The following PPHLN1 variants were observed in gnomAD, a reference collection of about 807,000 sequenced individuals.
The protein encoded by PPHLN1 is periphilin-1.
A neutral mutation model predicts 51.3 loss-of-function variants in PPHLN1; 29 were observed. The ratio of observed to expected loss-of-function variants is 0.57; its 90% CI spans 0.42 to 0.77. The LOEUF is 0.77. PPHLN1 is among the 30% of genes least tolerant of loss of function. The probability of loss-of-function intolerance (pLI) is 0.00; values close to 1 mark genes in which losing one functional copy is unlikely to be tolerated. For synonymous variants in PPHLN1, 147 were observed against 147.8 expected, an observed-to-expected ratio of 0.99 and a Z score of 0.04; for missense variants, 436 against 438.4, an observed-to-expected ratio of 0.99 and a Z score of 0.05.
intron 9 of PPHLN1, chr12:42,433,112 G>T: frequency 1.3e-6 from 1 of 778,256 alleles, no homozygotes; most frequent in Non-Finnish European, 2.4e-6. Context: ...GTTCAAATGT[G>T]ACTATTTCAT....
Position 42,441,483 on chromosome 12 carries a change from A to G in PPHLN1, c.1078A>G (p.Thr360Ala). Residue 360 changes from threonine to alanine, a missense_variant, in exon 10 of 10, where the codon ACT becomes GCT. Thr to Ala is a moderately conservative substitution (Grantham distance 58). Transcript: ENST00000358314. Reference sequence around the variant, plus strand: ...TTTCATTGCAGAGTATGATACTTCCACTCAAGATTTTGGAGAGCCTTTTTA... The same window carrying G: ...TTTCATTGCAGAGTATGATACTTCCGCTCAAGATTTTGGAGAGCCTTTTTA... Reference protein sequence around the residue: ...KHFIAEYDTSTQDFGEPF With the variant: ...KHFIAEYDTSAQDFGEPF 6.2e-7 allele frequency: 1 copy of G among 1,601,740 alleles called. No homozygotes were observed. Among genetic ancestry groups the G allele is most frequent in the South Asian group, 1.1e-5 (1 of 87,366 alleles).
intron 1 of PPHLN1, among the ~76,000 whole-genome samples, chr12:42,326,983 C>T (rs1035969714): frequency 2.6e-5 from 4 of 152,164 alleles, no homozygotes; most frequent in Non-Finnish European, 1.5e-5. Flanking sequence ...ACAATCCATC[C>T]AGGGCGCAGC....
At chr12:42,338,924 A>G (rs2071086233) in intron 2 of PPHLN1, among the ~76,000 whole-genome samples, 1 of 152,256 alleles carries the variant, frequency 6.6e-6, no homozygotes, top group Non-Finnish European at 1.5e-5. Flanking sequence ...GAGTTGAGGT[A>G]AAAATGACAG....
intron 5 of PPHLN1, among the ~76,000 whole-genome samples, chr12:42,378,584 G>T (rs1013038287): frequency 6.8e-6 from 1 of 146,444 alleles, no homozygotes; most frequent in African/African-American, 2.6e-5. Context: ...AAATAATTAT[G>T]CCCTCATTAA....
chr12:42,430,864 C>T (rs1055905450), intron 9 of PPHLN1, among the ~76,000 whole-genome samples: 7 of 152,044 alleles, frequency 4.6e-5, no homozygotes, highest in African/African-American at 1.4e-4. Context: ...AAACATATTG[C>T]ACATCAAACA....
chr12:42,404,982 A>G (rs1245991818), intron 9 of PPHLN1, among the ~76,000 whole-genome samples: 1 of 152,218 alleles, frequency 6.6e-6, no homozygotes, highest in Non-Finnish European at 1.5e-5. Context: ...AGCCAAGATC[A>G]TGCCATTGCA....
intron 2 of PPHLN1, among the ~76,000 whole-genome samples, chr12:42,344,936 C>T (rs961126780): frequency 1.3e-5 from 2 of 152,088 alleles, no homozygotes; most frequent in Admixed American, 6.6e-5. Context: ...TCTCGAATTC[C>T]TGGCCTCAAA....
intron 1 of PPHLN1, 118 bp downstream of exon 1, chr12:42,326,347 G>A (rs748931057): frequency 8.5e-5 from 13 of 152,316 alleles, no homozygotes; most frequent in Non-Finnish European, 1.8e-4. Context: ...TTTGAATTGT[G>A]TGACAATTCT....
chr12:42,395,380 T>G (rs1429595639), intron 8 of PPHLN1, among the ~76,000 whole-genome samples: 1 of 152,122 alleles, frequency 6.6e-6, no homozygotes, highest in Non-Finnish European at 1.5e-5. Flanking sequence ...TTTCATCCCA[T>G]TCTCTAAAAT....
chr12:42,407,670 T>C (rs146638428), intron 9 of PPHLN1, among the ~76,000 whole-genome samples: 19 of 152,314 alleles, frequency 1.2e-4, no homozygotes, highest in African/African-American at 4.3e-4. Flanking sequence ...AAATCCCTTA[T>C]GTAAAATGGC....
chr12:42,365,324 TTA>T (rs1460264447), intron 4 of PPHLN1, among the ~76,000 whole-genome samples: 1 of 152,232 alleles, frequency 6.6e-6, no homozygotes, highest in Non-Finnish European at 1.5e-5. Context: ...AGCCAATATT[TTA>T]TATGAATATT....
chr12:42,370,088 G>A (rs1019741489), intron 4 of PPHLN1, among the ~76,000 whole-genome samples: 1 of 152,150 alleles, frequency 6.6e-6, no homozygotes, highest in Admixed American at 6.5e-5. Flanking sequence ...TCTGACTTCT[G>A]AACGGTTCAC....
chr12:42,380,449 A>T (rs1174419799), intron 5 of PPHLN1, among the ~76,000 whole-genome samples: 1 of 152,086 alleles, frequency 6.6e-6, no homozygotes, highest in African/African-American at 2.4e-5. Context: ...CAAAAAATAC[A>T]TCTAAGAGAA....
chr12:42,348,082 TC>T (rs2072638545), intron 2 of PPHLN1, among the ~76,000 whole-genome samples: 1 of 152,030 alleles, frequency 6.6e-6, no homozygotes, highest in Non-Finnish European at 1.5e-5. Context: ...ATTTTTGTTT[TC>T]TTTTGCTGAT....
At chr12:42,366,992 A>G (rs2138594749) in intron 4 of PPHLN1, among the ~76,000 whole-genome samples, 1 of 152,256 alleles carries the variant, frequency 6.6e-6, no homozygotes, top group East Asian at 1.9e-4. Flanking sequence ...CCATACATTC[A>G]TGTCTGTAAA....
At chr12:42,364,166 G>T (rs1406072039) in intron 4 of PPHLN1, among the ~76,000 whole-genome samples, 1 of 152,226 alleles carries the variant, frequency 6.6e-6, no homozygotes, top group Non-Finnish European at 1.5e-5. Context: ...GGAGGTTGCA[G>T]TGAGCCAAGA....
intron 9 of PPHLN1, among the ~76,000 whole-genome samples, chr12:42,433,761 T>C (rs2082246093): frequency 6.6e-6 from 1 of 152,212 alleles, no homozygotes; most frequent in Non-Finnish European, 1.5e-5. Context: ...TTGAATAAGC[T>C]GAGGAAAGAT....
At chr12:42,327,723 T>C (rs2069023366) in intron 1 of PPHLN1, among the ~76,000 whole-genome samples, 1 of 152,236 alleles carries the variant, frequency 6.6e-6, no homozygotes, top group African/African-American at 2.4e-5. Context: ...GGACTGTGTT[T>C]GTCTCGTTTA....
At chr12:42,387,390 A>G in intron 6 of PPHLN1, 66 bp from the exon 7 acceptor site, 1 of 1,518,592 alleles carries the variant, frequency 6.6e-7, no homozygotes, top group Non-Finnish European at 8.9e-7. Context: ...TAATTCCATT[A>G]CAAAATTACT....
Sources: gnomAD v4.1 joint callset for allele counts (sites outside exome capture counted in the v4.1 genomes callset) on GRCh38, gnomAD v4.1.1 for gene constraint, MANE v1.5 for transcripts, NCBI Gene and HGNC (gene_info 2026-07-23, HGNC 2026-07-21) for gene names.